SLC2A9: variants seen among roughly 807,000 people sequenced by gnomAD.
SLC2A9 encodes solute carrier family 2 member 9, also known as solute carrier family 2, facilitated glucose transporter member 9.
A neutral mutation model predicts 50.6 loss-of-function variants in SLC2A9; 39 were observed. The ratio of observed to expected loss-of-function variants is 0.77; its 90% CI spans 0.60 to 1.01. The LOEUF (loss-of-function observed/expected upper bound fraction) is 1.01, where lower values mean the gene tolerates loss of function less well. Ranked by LOEUF, SLC2A9 falls within the 50% of genes least tolerant of loss-of-function variation. The probability of loss-of-function intolerance (pLI) is 0.00; values close to 1 mark genes in which losing one functional copy is unlikely to be tolerated. For synonymous variants in SLC2A9, 324 were observed against 276.9 expected (o/e 1.17, Z -1.69); for missense variants, 686 against 677.6 (o/e 1.01, Z -0.14).
chr4:9,926,315 T>C (rs903716480), intron 6 of SLC2A9, among the ~76,000 whole-genome samples: 20 of 146,006 alleles, frequency 1.4e-4, no homozygotes, highest in South Asian at 4.6e-4. Flanking sequence ...CTTGGGCCAA[T>C]TGGTGCTCAC....
intron 10 of SLC2A9, chr4:9,879,475 A>T (rs1009552811): frequency 4.1e-6 from 4 of 985,122 alleles, no homozygotes; most frequent in Middle Eastern, 5.2e-4. Flanking sequence ...CGGGATAGAG[A>T]GGGAGGGCAG....
chr4:9,835,079 C>A (rs925493575), intron 10 of SLC2A9, 71 bp from the exon 11 acceptor site: 2 of 1,608,572 alleles, frequency 1.2e-6, no homozygotes, highest in African/African-American at 2.7e-5. Context: ...CCATCTCCAT[C>A]TGCCACACTT....
intron 2 of SLC2A9, among the ~76,000 whole-genome samples, chr4:10,016,336 G>A (rs1244637374): frequency 1.3e-5 from 2 of 152,218 alleles, no homozygotes; most frequent in African/African-American, 2.4e-5. Flanking sequence ...GAAAGTCAGT[G>A]AACAGTGTGC....
intron 10 of SLC2A9, among the ~76,000 whole-genome samples, chr4:9,886,435 T>C (rs1736255000): frequency 1.5e-5 from 1 of 68,052 alleles, no homozygotes; most frequent in Non-Finnish European, 2.4e-5. Flanking sequence ...TGTGTGTGTG[T>C]GTGTGTGTGT....
chr4:9,866,992 G>T (rs1732587330), intron 10 of SLC2A9, among the ~76,000 whole-genome samples: 1 of 152,178 alleles, frequency 6.6e-6, no homozygotes, highest in Non-Finnish European at 1.5e-5. Context: ...CTGAATGCTG[G>T]TCACACTGCT....
chr4:10,030,103 G>A (rs1211860494), intron 1 of SLC2A9, among the ~76,000 whole-genome samples: 1 of 152,094 alleles, frequency 6.6e-6, no homozygotes, highest in African/African-American at 2.4e-5. Context: ...CTATCAAAGG[G>A]AACAAAGTTT....
At chr4:9,940,999 A>G (rs1434746832) in intron 6 of SLC2A9, among the ~76,000 whole-genome samples, 1 of 152,192 alleles carries the variant, frequency 6.6e-6, no homozygotes, top group African/African-American at 2.4e-5. Flanking sequence ...AGGGAAGTTT[A>G]TGTCATTTCC....
At chr4:9,887,241 C>T (rs1257893282) in intron 10 of SLC2A9, among the ~76,000 whole-genome samples, 1 of 152,252 alleles carries the variant, frequency 6.6e-6, no homozygotes, top group South Asian at 2.1e-4. Flanking sequence ...TGCTTAGGCA[C>T]AGACTGTGAC....
At chr4:9,874,950 T>C (rs1479996527) in intron 10 of SLC2A9, among the ~76,000 whole-genome samples, 1 of 140,422 alleles carries the variant, frequency 7.1e-6, no homozygotes, top group Admixed American at 7.0e-5. Flanking sequence ...TTAGCGTCTG[T>C]CTAAGATGGG....
Position 9,826,485 on chromosome 4 carries a change from T to C in SLC2A9, c.1535A>G (p.Gln512Arg). The change falls in exon 12 of 12, where the codon CAG (glutamine) becomes CGG (arginine). Residue 512 changes from glutamine to arginine, a missense_variant. Transcript: ENST00000264784. ...TGCTTTGTTCCTTTTGGAAAATGCC[T>C]GGCTGATTTCTGCATAGGTTCTGTT... ...TKNRTYAEISQAFSKRNKAYP... is the reference protein window; with the variant it reads ...TKNRTYAEISRAFSKRNKAYP... 7 of 1,613,972 alleles carry C rather than the reference T, an allele frequency of 4.3e-6. No homozygotes were observed. The highest frequency in any genetic ancestry group is 5.9e-6 in the Non-Finnish European group (7 of 1,179,892).
At chr4:9,833,979 G>A (rs1726617493) in intron 11 of SLC2A9, among the ~76,000 whole-genome samples, 1 of 152,152 alleles carries the variant, frequency 6.6e-6, no homozygotes, top group African/African-American at 2.4e-5. Context: ...CCTGCTCCCA[G>A]ATAACCCTCT....
intron 10 of SLC2A9, among the ~76,000 whole-genome samples, chr4:9,881,241 A>G (rs1441294842): frequency 6.6e-6 from 1 of 152,252 alleles, no homozygotes; most frequent in Non-Finnish European, 1.5e-5. Flanking sequence ...GCAGTGTTAG[A>G]AAATGCCAAG....
chr4:10,026,214 A>G (rs1450768603), upstream of SLC2A9, among the ~76,000 whole-genome samples: 5 of 152,088 alleles, frequency 3.3e-5, no homozygotes, highest in African/African-American at 1.2e-4. Context: ...AGGGCTTCCC[A>G]CACTTGCCTT....
chr4:9,905,275 T>C (rs900498271), intron 8 of SLC2A9, among the ~76,000 whole-genome samples: 4 of 152,224 alleles, frequency 2.6e-5, no homozygotes, highest in Non-Finnish European at 4.4e-5. Flanking sequence ...CAAAACATCA[T>C]TTATCCTTGG....
At chr4:9,789,170 C>A (rs1273914703) in intron 3 of SLC2A9, among the ~76,000 whole-genome samples, 6 of 152,266 alleles carry the variant, frequency 3.9e-5, no homozygotes, top group African/African-American at 1.2e-4. Context: ...TCGTTCAAAT[C>A]TTGATTCTCT....
At chr4:9,788,974 T>A (rs1719563987) in intron 3 of SLC2A9, among the ~76,000 whole-genome samples, 4 of 152,142 alleles carry the variant, frequency 2.6e-5, no homozygotes, top group Admixed American at 2.6e-4. Context: ...TGGGGTGACA[T>A]TGTTTCTATA....
chr4:9,973,471 T>A (rs538545879), intron 5 of SLC2A9, among the ~76,000 whole-genome samples: 3 of 151,972 alleles, frequency 2.0e-5, no homozygotes, highest in African/African-American at 7.2e-5. Context: ...TACCAAAACC[T>A]GGCAAAGATA....
At chr4:9,778,852 C>T (rs569014266), downstream of SLC2A9, among the ~76,000 whole-genome samples, 15 of 152,044 alleles carry the variant, frequency 9.9e-5, no homozygotes, top group African/African-American at 3.4e-4. Context: ...TGGAGTCTCA[C>T]TCTGTCACCC....
intron 3 of SLC2A9, 118 bp downstream of exon 3, chr4:9,996,663 G>T (rs1578247217): frequency 3.2e-6 from 4 of 1,263,744 alleles, no homozygotes; most frequent in African/African-American, 1.5e-5. Context: ...TTGGGCATTT[G>T]AATCTCTCCA....
Sources: gnomAD v4.1 joint callset for allele counts (sites outside exome capture counted in the v4.1 genomes callset) on GRCh38, gnomAD v4.1.1 for gene constraint, MANE v1.5 for transcripts, NCBI Gene and HGNC (gene_info 2026-07-23, HGNC 2026-07-21) for gene names.